The following RFX3 variants were observed in gnomAD, a reference collection of about 807,000 sequenced individuals.
RFX3 encodes the protein transcription factor RFX3.
Under a neutral mutation model 98.6 loss-of-function variants are expected in RFX3, and 14 were observed. The ratio of observed to expected loss-of-function variants is 0.14; its 90% confidence interval spans 0.09 to 0.22. RFX3 has a LOEUF of 0.22. Ranked by LOEUF, RFX3 falls within the 10% of genes least tolerant of loss-of-function variation. RFX3 has a pLI of 1.00. For missense variants in RFX3, 639 were observed against 926.9 expected, an observed-to-expected ratio of 0.69 and a Z score of 4.03; for synonymous variants, 383 against 328.4, an observed-to-expected ratio of 1.17 and a Z score of -1.80.
At chr9:3,246,433 G>T (rs1477638262) in intron 15 of RFX3, among the ~76,000 whole-genome samples, 1 of 152,128 alleles carries the variant, frequency 6.6e-6, no homozygotes, top group Non-Finnish European at 1.5e-5. Flanking sequence ...CACTGCCTTT[G>T]TTCCCTAGAG....
At chr9:3,314,823 A>C (rs1830393137) in intron 4 of RFX3, among the ~76,000 whole-genome samples, 1 of 152,236 alleles carries the variant, frequency 6.6e-6, no homozygotes, top group African/African-American at 2.4e-5. Context: ...AGAAGGGCTA[A>C]CTATCCTAAA....
chr9:3,343,542 C>A (rs1834126364), intron 3 of RFX3, among the ~76,000 whole-genome samples: 1 of 152,104 alleles, frequency 6.6e-6, no homozygotes, highest in South Asian at 2.1e-4. Flanking sequence ...AATGTCAGCA[C>A]TACAAAATTA....
chr9:3,326,362 T>C (rs1382937740), intron 4 of RFX3, among the ~76,000 whole-genome samples: 1 of 152,206 alleles, frequency 6.6e-6, no homozygotes. Context: ...GGGGTATTTG[T>C]GCAGGATGGG....
chr9:3,227,058 G>C (rs959493283), intron 16 of RFX3, among the ~76,000 whole-genome samples: 18 of 152,240 alleles, frequency 1.2e-4, no homozygotes, highest in African/African-American at 4.3e-4. Flanking sequence ...CCATCAAGAG[G>C]TCTGGGGGTA....
chr9:3,347,544 C>T (rs775071162), intron 2 of RFX3, among the ~76,000 whole-genome samples: 1 of 152,036 alleles, frequency 6.6e-6, no homozygotes, highest in Non-Finnish European at 1.5e-5. Context: ...TTCCAGAAGG[C>T]CGGGTGCGGT....
chr9:3,243,726 C>T (rs1820259866), intron 15 of RFX3, among the ~76,000 whole-genome samples: 1 of 152,100 alleles, frequency 6.6e-6, no homozygotes, highest in Non-Finnish European at 1.5e-5. Context: ...GCTTATGAAA[C>T]TATTTAACTG....
chr9:3,306,742 A>T (rs1829369008), intron 4 of RFX3, among the ~76,000 whole-genome samples: 1 of 151,982 alleles, frequency 6.6e-6, no homozygotes, highest in African/African-American at 2.4e-5. Flanking sequence ...CTAAAACTTA[A>T]AGTATAATAA....
chr9:3,450,953 A>G (rs545233941), intron 1 of RFX3, among the ~76,000 whole-genome samples: 13 of 152,338 alleles, frequency 8.5e-5, no homozygotes, highest in Admixed American at 2.0e-4. Flanking sequence ...TGGCACCCAG[A>G]TCTTGGTTTC....
chr9:3,316,695 A>G (rs1830636708), intron 4 of RFX3, among the ~76,000 whole-genome samples: 1 of 152,234 alleles, frequency 6.6e-6, no homozygotes, highest in African/African-American at 2.4e-5. Context: ...CTACAAAATC[A>G]ATGTGCAAAA....
intron 1 of RFX3, among the ~76,000 whole-genome samples, chr9:3,465,458 C>CTTTTTTTTTTTTT (rs34093115): frequency 7.7e-6 from 1 of 129,686 alleles, no homozygotes; most frequent in Non-Finnish European, 1.6e-5. Flanking sequence ...GCCCAGGTAA[C>CTTTTTTTTTTTTT]TTTTTTTTTT....
chr9:3,388,205 G>A (rs1327002564), intron 2 of RFX3, among the ~76,000 whole-genome samples: 1 of 151,978 alleles, frequency 6.6e-6, no homozygotes, highest in Non-Finnish European at 1.5e-5. Context: ...AGAAATGTGA[G>A]GATCTAAGAA....
chr9:3,398,507 G>T (rs962084633), intron 1 of RFX3, among the ~76,000 whole-genome samples: 1 of 152,160 alleles, frequency 6.6e-6, no homozygotes, highest in African/African-American at 2.4e-5. Flanking sequence ...CTTCTGTGAG[G>T]TCTTTTTCAG....
intron 2 of RFX3, among the ~76,000 whole-genome samples, chr9:3,388,006 C>A (rs1196109968): frequency 6.6e-6 from 1 of 152,096 alleles, no homozygotes; most frequent in Non-Finnish European, 1.5e-5. Flanking sequence ...CAACAGAATA[C>A]TCTATTATGA....
chr9:3,297,132 G>A lies in RFX3; in HGVS notation c.550-3874C>T, dbSNP rs756805527. Among the ~76,000 whole-genome samples the A allele has an allele frequency of 8.5e-5, 13 of 152,056 alleles. No individual in the cohort carries two copies. The East Asian group carries it at 2.1e-3, about 25-fold the overall frequency. On this transcript the variant is annotated intron_variant, in intron 5 of 16. Coordinates refer to ENST00000617270, the MANE Select transcript of RFX3 (RefSeq NM_001282116.2). ...GGGAAGTTAATGCCTGTTAAATATC[G>A]TTTTCTTGGGTTTTGTCTTTAATAC... is the stretch of plus-strand genomic sequence containing the variant.
At chr9:3,275,640 A>C in intron 8 of RFX3, 28 bp from the exon 9 acceptor site, 1 of 1,413,316 alleles carries the variant, frequency 7.1e-7, no homozygotes. Context: ...GAACAGAAAA[A>C]AGCTATTGTG....
chr9:3,511,424 A>C (rs1817657820), intron 1 of RFX3, among the ~76,000 whole-genome samples: 2 of 151,948 alleles, frequency 1.3e-5, no homozygotes, highest in Non-Finnish European at 2.9e-5. Flanking sequence ...TCAGTCAAAT[A>C]AAAAAACTAA....
Position 3,221,800 on chromosome 9 carries a change from TATC to T in RFX3, c.*3239_*3241del, listed in dbSNP as rs1817354553. 6.6e-6 allele frequency: 1 copy of T among 152,168 alleles called. No homozygotes were observed. Among genetic ancestry groups the T allele is most frequent in the African/African-American group, 2.4e-5 (1 of 41,456 alleles). 9.4% of individuals were successfully genotyped at this position (152,168 alleles called of 1,614,324 possible). On this transcript the variant is annotated 3_prime_UTR_variant, in exon 17 of 17. Transcript: ENST00000617270. ...AAACTATACCCATGATACTCAATCC[TATC>T]ATATGAAAATATCTTTTCTGAAACT...
chr9:3,313,866 G>C (rs1349943117), intron 4 of RFX3, among the ~76,000 whole-genome samples: 1 of 152,190 alleles, frequency 6.6e-6, no homozygotes, highest in Non-Finnish European at 1.5e-5. Flanking sequence ...AGAAATATGG[G>C]ACTATGTGAA....
intron 1 of RFX3, among the ~76,000 whole-genome samples, chr9:3,462,477 T>A (rs558196706): frequency 3.9e-5 from 6 of 152,128 alleles, no homozygotes; most frequent in Non-Finnish European, 7.4e-5. Context: ...TTCTTTCTAA[T>A]ATAAGAGGGC....
Sources: gnomAD v4.1 joint callset for allele counts (sites outside exome capture counted in the v4.1 genomes callset) on GRCh38, gnomAD v4.1.1 for gene constraint, MANE v1.5 for transcripts, NCBI Gene and HGNC (gene_info 2026-07-23, HGNC 2026-07-21) for gene names.